Variants in PDE7A observed in about 807,000 individuals in gnomAD.
The protein encoded by PDE7A is high affinity 3',5'-cyclic-AMP phosphodiesterase 7A.
A neutral mutation model predicts 64.3 loss-of-function variants in PDE7A; 39 were observed. The observed-to-expected ratio is 0.61, with a 90% CI of 0.47 to 0.79. The LOEUF (loss-of-function observed/expected upper bound fraction) is 0.79. Ranked by LOEUF, PDE7A falls within the 30% of genes least tolerant of loss-of-function variation. The pLI is 0.00. For synonymous variants in PDE7A, 203 were observed against 206.8 expected, an observed-to-expected ratio of 0.98 and a Z score of 0.16; for missense variants, 470 against 582.8, an observed-to-expected ratio of 0.81 and a Z score of 1.99.
chr8:65,815,594 C>T (rs1384155192), intron 1 of PDE7A, among the ~76,000 whole-genome samples: 1 of 152,012 alleles, frequency 6.6e-6, no homozygotes, highest in Non-Finnish European at 1.5e-5. Context: ...ACTAAAATTC[C>T]AATAAATGTT....
intron 3 of PDE7A, among the ~76,000 whole-genome samples, chr8:65,763,487 C>T (rs558454168): frequency 2.6e-5 from 4 of 152,194 alleles, no homozygotes; most frequent in East Asian, 1.9e-4. Flanking sequence ...ATCACTTGAA[C>T]CCAGGAGGCG....
intron 3 of PDE7A, among the ~76,000 whole-genome samples, chr8:65,750,175 T>C (rs1807867045): frequency 6.6e-6 from 1 of 152,150 alleles, no homozygotes; most frequent in Admixed American, 6.5e-5. Flanking sequence ...AAGGCAAAGA[T>C]TATCATCTCC....
At chr8:65,810,562 A>ATT (rs150138042) in intron 1 of PDE7A, among the ~76,000 whole-genome samples, 3 of 151,564 alleles carry the variant, frequency 2.0e-5, no homozygotes, top group South Asian at 2.1e-4. Context: ...AGAATAATAC[A>ATT]TTTTTTTTTG....
intron 1 of PDE7A, among the ~76,000 whole-genome samples, chr8:65,828,709 A>G (rs879390045): frequency 6.6e-5 from 10 of 152,102 alleles, no homozygotes; most frequent in Non-Finnish European, 1.3e-4. Context: ...CCAACTCCAC[A>G]TATAAGATTA....
At chr8:65,751,482 T>C (rs1173763816) in intron 3 of PDE7A, among the ~76,000 whole-genome samples, 3 of 152,138 alleles carry the variant, frequency 2.0e-5, no homozygotes, top group Non-Finnish European at 4.4e-5. Context: ...GAGGTTTTTT[T>C]TTTTCTTTTC....
intron 1 of PDE7A, among the ~76,000 whole-genome samples, chr8:65,821,718 G>GT (rs1294950264): frequency 6.6e-6 from 1 of 152,132 alleles, no homozygotes; most frequent in East Asian, 1.9e-4. Flanking sequence ...ATCAACATGT[G>GT]CTACCAGTAG....
chr8:65,793,841 G>C lies in PDE7A; in HGVS notation c.139-10998C>G, dbSNP rs116767416. 5.9e-3 allele frequency among the ~76,000 whole-genome samples: 891 copies of C among 152,272 alleles called. 9 individuals are homozygous for C. Among genetic ancestry groups the C allele is most frequent in the African/African-American group, 0.02 (842 of 41,538 alleles). ...ACATAAGGCAGAAGTAGGACCAGGA[G>C]CACAAGTTTGTTAAAAACAGAATTT... is the stretch of plus-strand genomic sequence containing the variant. On this transcript the variant is annotated intron_variant, in intron 1 of 12. Transcript: ENST00000401827.
chr8:65,808,960 C>T (rs1810176138), intron 1 of PDE7A, among the ~76,000 whole-genome samples: 1 of 152,098 alleles, frequency 6.6e-6, no homozygotes, highest in Non-Finnish European at 1.5e-5. Context: ...CACACATAAT[C>T]GCTTTGAAAA....
At position 65,726,904 on chromosome 8, in the gene PDE7A, G is replaced by A. The variant is rs748155517; in HGVS notation, c.891C>T (p.Gly297=). The A allele has an allele frequency of 1.2e-6, 2 of 1,605,782 alleles. No individual in the cohort carries two copies. The highest frequency in any genetic ancestry group is 1.7e-6 in the Non-Finnish European group (2 of 1,172,856). The change falls in exon 9 of 13, where the codon GGC becomes GGT. Residue 297 remains glycine (G), a synonymous_variant. Coordinates refer to ENST00000401827, the MANE Select transcript of PDE7A (RefSeq NM_001242318.3). ...RSAVGLLRES[G]LFSHLPLESR... ...TTTCTAATGGCAGATGTGAGAATAAGCCTGATTCTCTCAATAAGCCCACTG... is the reference window on the plus strand; with the variant it reads ...TTTCTAATGGCAGATGTGAGAATAAACCTGATTCTCTCAATAAGCCCACTG...
intron 1 of PDE7A, among the ~76,000 whole-genome samples, chr8:65,804,007 T>C (rs910191740): frequency 1.3e-5 from 2 of 152,092 alleles, no homozygotes; most frequent in Non-Finnish European, 2.9e-5. Flanking sequence ...TACCAACATA[T>C]CTCTTTTAAT....
At chr8:65,719,962 A>G (rs899262974) in intron 12 of PDE7A, among the ~76,000 whole-genome samples, 2 of 152,228 alleles carry the variant, frequency 1.3e-5, no homozygotes, top group Non-Finnish European at 2.9e-5. Flanking sequence ...CAGGGATGGA[A>G]TCTTCATGCC....
intron 3 of PDE7A, among the ~76,000 whole-genome samples, chr8:65,774,943 A>G (rs1001203700): frequency 2.0e-5 from 3 of 152,234 alleles, no homozygotes; most frequent in Non-Finnish European, 4.4e-5. Flanking sequence ...ACATCTTAGT[A>G]TTACGATGAA....
intron 1 of PDE7A, among the ~76,000 whole-genome samples, chr8:65,787,505 C>T (rs78597037): frequency 6.6e-6 from 1 of 152,130 alleles, no homozygotes; most frequent in African/African-American, 2.4e-5. Context: ...CATGCTTGTA[C>T]TTGAGTGCCT....
At chr8:65,780,553 C>T (rs1300755057) in intron 2 of PDE7A, among the ~76,000 whole-genome samples, 3 of 152,134 alleles carry the variant, frequency 2.0e-5, no homozygotes, top group Non-Finnish European at 2.9e-5. Flanking sequence ...CACTCTTTTT[C>T]GTGTTTTACA....
chr8:65,721,461 G>C (rs1376389571), intron 12 of PDE7A, among the ~76,000 whole-genome samples: 1 of 152,118 alleles, frequency 6.6e-6, no homozygotes, highest in African/African-American at 2.4e-5. Context: ...TGCATGAAGT[G>C]GGCAAACCAT....
chr8:65,799,046 A>G (rs1382597330), intron 1 of PDE7A, among the ~76,000 whole-genome samples: 3 of 152,154 alleles, frequency 2.0e-5, no homozygotes, highest in African/African-American at 4.8e-5. Context: ...GGCAAAACTA[A>G]TCAATAGTGA....
chr8:65,752,526 G>A (rs1808014801), intron 3 of PDE7A, among the ~76,000 whole-genome samples: 1 of 152,126 alleles, frequency 6.6e-6, no homozygotes, highest in Non-Finnish European at 1.5e-5. Flanking sequence ...AGGCAAACCT[G>A]TTATTTTTGC....
intron 3 of PDE7A, among the ~76,000 whole-genome samples, chr8:65,756,054 T>C (rs920262127): frequency 6.6e-6 from 1 of 152,262 alleles, no homozygotes; most frequent in African/African-American, 2.4e-5. Context: ...TGACAGTTTT[T>C]TGTTTTTGTT....
chr8:65,764,545 A>G (rs972670085), intron 3 of PDE7A, among the ~76,000 whole-genome samples: 2 of 152,226 alleles, frequency 1.3e-5, no homozygotes, highest in African/African-American at 4.8e-5. Context: ...TGCATGGCTG[A>G]GGGAAATGCT....
Sources: allele counts gnomAD v4.1 joint callset (sites outside exome capture counted in the v4.1 genomes callset), GRCh38; gene constraint gnomAD v4.1.1; transcripts MANE v1.5; gene names NCBI Gene and HGNC (gene_info 2026-07-23, HGNC 2026-07-21).